The following EIF5B variants were observed in gnomAD, a reference collection of about 807,000 sequenced individuals.
EIF5B encodes the protein eukaryotic translation initiation factor 5B, also known as eIF-5B.
A neutral mutation model predicts 147.5 loss-of-function variants in EIF5B; 47 were observed. That is an observed-to-expected ratio of 0.32 (90% CI 0.25 to 0.41). EIF5B has a LOEUF of 0.41. Among genes scored for constraint, EIF5B ranks in the 10% least tolerant of loss-of-function variants. The probability of loss-of-function intolerance (pLI) is 1.00; values close to 1 mark genes in which losing one functional copy is unlikely to be tolerated. For missense variants in EIF5B, 1,064 were observed against 1,413.2 expected, an observed-to-expected ratio of 0.75 and a Z score of 3.96; for synonymous variants, 455 against 456.2, an observed-to-expected ratio of 1.00 and a Z score of 0.03.
chr2:99,390,146 C>A, intron 15 of EIF5B, 73 bp from the exon 16 acceptor site: 2 of 1,547,636 alleles, frequency 1.3e-6, no homozygotes, highest in Non-Finnish European at 1.8e-6. Flanking sequence ...GCTCATCCGG[C>A]TTCTAGTGAG....
At chr2:99,363,002 A>G (rs889767230) in intron 4 of EIF5B, among the ~76,000 whole-genome samples, 1 of 151,956 alleles carries the variant, frequency 6.6e-6, no homozygotes, top group East Asian at 2.0e-4. Flanking sequence ...CAGGTGATCC[A>G]TGCACCTCAG....
At chr2:99,392,329 C>T (rs955761646) in intron 17 of EIF5B, among the ~76,000 whole-genome samples, 3 of 151,978 alleles carry the variant, frequency 2.0e-5, no homozygotes, top group Admixed American at 6.6e-5. Flanking sequence ...AGTGAGCCAC[C>T]GCACCCGGCC....
intron 17 of EIF5B, among the ~76,000 whole-genome samples, chr2:99,392,289 A>C (rs760758197): frequency 6.6e-6 from 1 of 151,878 alleles, no homozygotes; most frequent in Non-Finnish European, 1.5e-5. Flanking sequence ...TGGCCAGGCT[A>C]GTCTCGAACT....
chr2:99,341,835 A>G (rs1212941850), intron 1 of EIF5B, among the ~76,000 whole-genome samples: 3 of 152,242 alleles, frequency 2.0e-5, no homozygotes, highest in Non-Finnish European at 1.5e-5. Context: ...CATCTTCACT[A>G]TTATATGACT....
chr2:99,384,059 T>A (rs1302991271), intron 14 of EIF5B, among the ~76,000 whole-genome samples: 1 of 151,226 alleles, frequency 6.6e-6, no homozygotes, highest in Non-Finnish European at 1.5e-5. Flanking sequence ...TAGCCGGGCG[T>A]AGTGGCGGGC....
At chr2:99,358,885 A>G (rs1674147126) in intron 1 of EIF5B, among the ~76,000 whole-genome samples, 1 of 152,144 alleles carries the variant, frequency 6.6e-6, no homozygotes, top group African/African-American at 2.4e-5. Context: ...ATTCTGGCCA[A>G]CTATTTATAA....
Position 99,361,396 on chromosome 2 carries a change from G to A in EIF5B, c.495G>A (p.Glu165=). 6.2e-7 allele frequency: 1 copy of A among 1,613,830 alleles called. No individual in the cohort carries two copies. Among genetic ancestry groups the A allele is most frequent in the South Asian group, 1.1e-5 (1 of 91,046 alleles). ...CAAATAAGAAGTGGGATGGGTCAGA[G>A]GAGGATGAGGATAACAGTAAAAAAA... is the stretch of plus-strand genomic sequence containing the variant. ...QKSNKKWDGS[E]EDEDNSKKIK... is the part of the protein sequence containing the mutation. Residue 165 remains glutamate, a synonymous_variant, in exon 4 of 24, where the codon GAG becomes GAA. Coordinates refer to ENST00000289371, the MANE Select transcript of EIF5B (RefSeq NM_015904.4).
intron 12 of EIF5B, among the ~76,000 whole-genome samples, chr2:99,380,076 CT>C (rs1674657680): frequency 6.6e-6 from 1 of 152,208 alleles, no homozygotes; most frequent in Non-Finnish European, 1.5e-5. Context: ...TATTGGATTA[CT>C]TCTATAGAGA....
In EIF5B at chr2:99,360,496, T is replaced by C. The variant is rs1053399154; in HGVS notation, c.193T>C (p.Leu65=). 1.9e-6 allele frequency: 3 copies of C among 1,613,746 alleles called. No homozygotes were observed. The East Asian group carries it at 6.7e-5, about 36-fold the overall frequency. ...EDDILKELEE[L]SLEAQGIKAD... is the part of the protein sequence containing the mutation. ...TGATATCCTGAAAGAACTGGAAGAATTGTCTTTGGAAGCTCAAGGCATCAA... is the reference window on the plus strand; with the variant it reads ...TGATATCCTGAAAGAACTGGAAGAACTGTCTTTGGAAGCTCAAGGCATCAA... Residue 65 remains leucine, a synonymous_variant, in exon 3 of 24, where the codon TTG becomes CTG. Transcript: ENST00000289371.
In EIF5B at chr2:99,337,541, G is replaced by T. The variant is rs772397374; in HGVS notation, c.-14G>T. On this transcript the variant is annotated 5_prime_UTR_variant, in exon 1 of 24. Transcript: ENST00000289371. The stretch of plus-strand genomic sequence containing the variant: ...GAATAGAGGGGCTGGGGCCACGAGC[G>T]CCATTGACAAGCAATGGGGAAGAAA... The T allele has an allele frequency of 6.2e-6, 10 of 1,612,182 alleles. No homozygotes were observed. Among genetic ancestry groups the T allele is most frequent in the Non-Finnish European group, 7.6e-6 (9 of 1,179,146 alleles).
Position 99,364,298 on chromosome 2 carries a change from A to G in EIF5B, c.1165A>G (p.Arg389Gly). 1 of 1,603,166 alleles carries G rather than the reference A, an allele frequency of 6.2e-7. No individual in the cohort carries two copies. Among genetic ancestry groups the G allele is most frequent in the Non-Finnish European group, 8.5e-7 (1 of 1,177,214 alleles). ...EERLEQEKRE[R>G]KKQKEKERKE... is the part of the protein sequence containing the mutation. ...ACGATTGGAACAAGAAAAAAGAGAA[A>G]GGAAAAAGCAAAAAGAAAAAGAAAG... is the stretch of plus-strand genomic sequence containing the variant. Residue 389 changes from arginine to glycine, a missense_variant, in exon 6 of 24, where the codon AGG becomes GGG. Transcript: ENST00000289371.
intron 9 of EIF5B, among the ~76,000 whole-genome samples, chr2:99,375,008 T>G (rs1431977569): frequency 6.6e-6 from 1 of 152,212 alleles, no homozygotes; most frequent in Non-Finnish European, 1.5e-5. Flanking sequence ...ATCCATCTTT[T>G]GAGTTCTCAA....
rs186942268 is a variant in EIF5B at position 99,369,642 on chromosome 2, A to G, written c.1477+161A>G. On this transcript the variant is annotated intron_variant, in intron 8 of 23. Coordinates refer to ENST00000289371, the MANE Select transcript of EIF5B (RefSeq NM_015904.4). ...AGTTCTTTCTTTTCTATTTCTTTTC[A>G]TTTCTACTTTGAATAAGTATCCAAG... Among the ~76,000 whole-genome samples, 167 of 152,182 alleles carry G rather than the reference A, an allele frequency of 1.1e-3. 1 individual carries two copies. Among genetic ancestry groups the G allele is most frequent in the African/African-American group, 3.5e-3 (145 of 41,522 alleles).
At chr2:99,341,412 T>C (rs1314522015) in intron 1 of EIF5B, among the ~76,000 whole-genome samples, 3 of 152,372 alleles carry the variant, frequency 2.0e-5, no homozygotes, top group South Asian at 2.1e-4. Context: ...TTTTTGTTGA[T>C]AGTAACCTCT....
At chr2:99,338,777 T>A (rs759886880) in intron 1 of EIF5B, among the ~76,000 whole-genome samples, 3 of 151,892 alleles carry the variant, frequency 2.0e-5, no homozygotes, top group Non-Finnish European at 4.4e-5. Context: ...TTTTGATGTA[T>A]AGGGTACTTT....
At chr2:99,353,683 A>G (rs1454991642) in intron 1 of EIF5B, among the ~76,000 whole-genome samples, 2 of 151,540 alleles carry the variant, frequency 1.3e-5, no homozygotes, top group Non-Finnish European at 2.9e-5. Context: ...CTCCCTACCC[A>G]CCTCCCCAAC....
In EIF5B at chr2:99,337,423, G is replaced by C; in HGVS notation, c.-132G>C. 2 of 1,158,768 alleles carry C rather than the reference G, an allele frequency of 1.7e-6. No individual in the cohort carries two copies. The highest frequency in any genetic ancestry group is 2.5e-6 in the Non-Finnish European group (2 of 790,850). The allele number at this position is 1,158,768 out of a possible 1,614,324, so 71.8% of individuals were successfully genotyped here. ...GTGTCCTGTTCCAGTGCGCGGGTCT[G>C]TGGAGAGCCGGGTGCGAGCGGCGGC... On this transcript the variant is annotated 5_prime_UTR_variant, in exon 1 of 24. Transcript: ENST00000289371.
intron 1 of EIF5B, among the ~76,000 whole-genome samples, chr2:99,339,857 G>A (rs1341468624): frequency 6.6e-6 from 1 of 152,098 alleles, no homozygotes; most frequent in Non-Finnish European, 1.5e-5. Context: ...TAAATGATTG[G>A]TTTGGTTGTG....
rs78131448 is a variant in EIF5B, at chr2:99,388,436, G to GGT, written c.2272-1282_2272-1281insGT. Among the ~76,000 whole-genome samples, 185 of 151,654 alleles carry GGT rather than the reference G, an allele frequency of 1.2e-3. 1 individual carries two copies. The highest frequency in any genetic ancestry group is 3.2e-3 in the South Asian group (15 of 4,758). On this transcript the variant is annotated intron_variant, in intron 14 of 23. Coordinates refer to ENST00000289371, the MANE Select transcript of EIF5B (RefSeq NM_015904.4). The stretch of plus-strand genomic sequence containing the variant: ...CAGCTGCAGGGTTTTTGTTTTTTTG[G>GGT]TTTTTTTGTCAATGCCCTTTATTAA...
Sources: allele counts gnomAD v4.1 joint callset (sites outside exome capture counted in the v4.1 genomes callset), GRCh38; gene constraint gnomAD v4.1.1; transcripts MANE v1.5; gene names NCBI Gene and HGNC (gene_info 2026-07-23, HGNC 2026-07-21).